NALF1: variants seen among roughly 807,000 people sequenced by gnomAD.
NALF1 encodes family with sequence similarity 155 member A.
In NALF1, 3 loss-of-function variants were observed where a neutral mutation model predicts 48.4. The ratio of observed to expected loss-of-function variants is 0.06; its 90% CI spans 0.03 to 0.16. The LOEUF (loss-of-function observed/expected upper bound fraction) is 0.16. Among genes scored for constraint, NALF1 ranks in the 10% least tolerant of loss-of-function variants. The pLI is 1.00. For missense variants in NALF1, 526 were observed against 571.5 expected (o/e 0.92, Z 0.81); for synonymous variants, 262 against 245.7 (o/e 1.07, Z -0.62).
chr13:107,628,353 T>C (rs981877912), intron 1 of NALF1, among the ~76,000 whole-genome samples: 6 of 152,178 alleles, frequency 3.9e-5, no homozygotes, highest in African/African-American at 1.4e-4. Flanking sequence ...TCTAGCATAA[T>C]GGACACTATA....
chr13:107,746,194 C>T (rs1876775318), intron 1 of NALF1, among the ~76,000 whole-genome samples: 1 of 152,128 alleles, frequency 6.6e-6, no homozygotes, highest in Non-Finnish European at 1.5e-5. Flanking sequence ...CTTCTGTCAC[C>T]TTGTGAAGAA....
Position 107,706,220 on chromosome 13 carries a change from C to T in NALF1, c.915+159462G>A, listed in dbSNP as rs76100103. Among the ~76,000 whole-genome samples the T allele has an allele frequency of 8.1e-3, 1,230 of 152,242 alleles. 16 individuals are homozygous for T. The highest frequency in any genetic ancestry group is 0.028 in the African/African-American group (1,170 of 41,534). On this transcript the variant is annotated intron_variant, in intron 1 of 2. Coordinates refer to ENST00000375915, the MANE Select transcript of NALF1 (RefSeq NM_001080396.3). The stretch of plus-strand genomic sequence containing the variant: ...CGGTGGCAATAAAATGTCAAAAATG[C>T]TTTTCCGCAACTCCCCACATAAAGG...
intron 1 of NALF1, among the ~76,000 whole-genome samples, chr13:107,566,292 A>G (rs1013483339): frequency 6.6e-6 from 1 of 152,220 alleles, no homozygotes; most frequent in Non-Finnish European, 1.5e-5. Context: ...CATCTTTCGC[A>G]TGCTGCAGAT....
chr13:107,178,911 C>G (rs568018471), intron 2 of NALF1, among the ~76,000 whole-genome samples: 10 of 151,954 alleles, frequency 6.6e-5, no homozygotes, highest in African/African-American at 1.9e-4. Flanking sequence ...CGCCACTGCA[C>G]TCCAGCCTGG....
intron 1 of NALF1, among the ~76,000 whole-genome samples, chr13:107,720,002 G>A (rs1434662514): frequency 1.3e-5 from 2 of 151,878 alleles, no homozygotes; most frequent in South Asian, 2.1e-4. Flanking sequence ...ATCTCCACTC[G>A]CTTTGTCACC....
intron 1 of NALF1, among the ~76,000 whole-genome samples, chr13:107,364,748 G>A (rs1005817434): frequency 2.6e-5 from 4 of 152,034 alleles, no homozygotes; most frequent in Admixed American, 2.6e-4. Flanking sequence ...ACAGAAAGGG[G>A]GTCAGACACA....
At chr13:107,287,094 G>A (rs1009686622) in intron 1 of NALF1, among the ~76,000 whole-genome samples, 4 of 152,154 alleles carry the variant, frequency 2.6e-5, no homozygotes, top group Non-Finnish European at 2.9e-5. Context: ...TGACATGCAC[G>A]CATAAACAGT....
chr13:107,228,108 T>C (rs1335357718), intron 1 of NALF1, among the ~76,000 whole-genome samples: 1 of 152,216 alleles, frequency 6.6e-6, no homozygotes, highest in Admixed American at 6.5e-5. Context: ...TTAATTTCGA[T>C]TAACAATTGT....
At chr13:107,545,948 T>C (rs1251473091) in intron 1 of NALF1, among the ~76,000 whole-genome samples, 2 of 152,178 alleles carry the variant, frequency 1.3e-5, no homozygotes, top group Non-Finnish European at 2.9e-5. Flanking sequence ...TTAAATGATG[T>C]TGCATTTTTC....
intron 1 of NALF1, among the ~76,000 whole-genome samples, chr13:107,462,484 T>C (rs1257929800): frequency 1.3e-5 from 2 of 151,802 alleles, no homozygotes; most frequent in Non-Finnish European, 2.9e-5. Flanking sequence ...AAGAGGAAAA[T>C]AAAAGAAATG....
intron 1 of NALF1, among the ~76,000 whole-genome samples, chr13:107,491,296 T>C (rs569382326): frequency 6.6e-6 from 1 of 152,332 alleles, no homozygotes; most frequent in East Asian, 1.9e-4. Flanking sequence ...TTACAAGATG[T>C]GACAGACATT....
At chr13:107,813,105 C>A (rs188026320) in intron 1 of NALF1, among the ~76,000 whole-genome samples, 75 of 152,158 alleles carry the variant, frequency 4.9e-4, no homozygotes, top group African/African-American at 9.9e-4. Flanking sequence ...GCCCTTATTG[C>A]AAGAAGATTA....
intron 1 of NALF1, among the ~76,000 whole-genome samples, chr13:107,754,382 CA>C (rs1877029704): frequency 2.0e-5 from 3 of 151,506 alleles, no homozygotes; most frequent in African/African-American, 4.9e-5. Flanking sequence ...CACACACACA[CA>C]CACACACACA....
intron 1 of NALF1, among the ~76,000 whole-genome samples, chr13:107,386,114 G>A (rs946769179): frequency 2.7e-4 from 41 of 152,258 alleles, no homozygotes; most frequent in Admixed American, 1.5e-3. Flanking sequence ...TAGAATACAA[G>A]ATTATCTTCC....
chr13:107,294,007 C>A (rs538484174), intron 1 of NALF1, among the ~76,000 whole-genome samples: 1 of 152,196 alleles, frequency 6.6e-6, no homozygotes, highest in African/African-American at 2.4e-5. Flanking sequence ...TTAGCTACGT[C>A]TCTAGATGCG....
chr13:107,443,723 A>G (rs1278221936), intron 1 of NALF1, among the ~76,000 whole-genome samples: 2 of 152,196 alleles, frequency 1.3e-5, no homozygotes, highest in Non-Finnish European at 2.9e-5. Flanking sequence ...TTAAACCATG[A>G]CAGTATGTAA....
chr13:107,232,277 AG>A (rs912711557), intron 1 of NALF1, among the ~76,000 whole-genome samples: 2 of 152,224 alleles, frequency 1.3e-5, no homozygotes, highest in African/African-American at 4.8e-5. Context: ...GTTCAAAATC[AG>A]GGGAACAATG....
chr13:107,376,356 G>A (rs1024441102), intron 1 of NALF1, among the ~76,000 whole-genome samples: 3 of 152,112 alleles, frequency 2.0e-5, no homozygotes, highest in Non-Finnish European at 4.4e-5. Flanking sequence ...GAATTTACAC[G>A]TTTCCTCCTC....
chr13:107,828,606 TACACACACAC>T (rs60869824), intron 1 of NALF1, among the ~76,000 whole-genome samples: 4,647 of 103,976 alleles, frequency 0.045, 251 homozygotes, highest in African/African-American at 0.12. Context: ...TCTATATCTA[TACACACACAC>T]ACACACACAC....
Sources: gnomAD v4.1 joint callset for allele counts (sites outside exome capture counted in the v4.1 genomes callset) on GRCh38, gnomAD v4.1.1 for gene constraint, MANE v1.5 for transcripts, NCBI Gene and HGNC (gene_info 2026-07-23, HGNC 2026-07-21) for gene names.